TSSK3: variants seen among roughly 807,000 people sequenced by gnomAD.
TSSK3 encodes the protein testis-specific serine/threonine-protein kinase 3.
TSSK3 carries 16 observed loss-of-function variants against 18.9 expected under a neutral mutation model. The observed-to-expected ratio is 0.85, with a 90% CI of 0.57 to 1.28. TSSK3 has a LOEUF of 1.28. Among genes scored for constraint, TSSK3 ranks in the 50% most tolerant of loss-of-function variants. The pLI is 0.00. For synonymous variants in TSSK3, 146 were observed against 133.9 expected (o/e 1.09, Z -0.62); for missense variants, 345 against 341.0 (o/e 1.01, Z -0.09).
chr1:32,364,300 G>A lies in TSSK3; in HGVS notation c.*44G>A, dbSNP rs576818453. 52 of 1,524,062 alleles carry A rather than the reference G, an allele frequency of 3.4e-5. No homozygotes were observed. In the South Asian group the frequency reaches 6.5e-4, roughly 19 times the overall value. 94.4% of individuals were successfully genotyped at this position (1,524,062 alleles called of 1,614,324 possible). The stretch of plus-strand genomic sequence containing the variant: ...CTCTCCAATAAAGTAGGGGGAGAAA[G>A]CAAACCCAAAAACCCGCTTCTAAAA... On this transcript the variant is annotated 3_prime_UTR_variant, in exon 2 of 2. Coordinates refer to ENST00000373534, the MANE Select transcript of TSSK3 (RefSeq NM_052841.4).
At chr1:32,363,316 A>AAAG (rs2148097182) in intron 1 of TSSK3, 2 of 448,552 alleles carry the variant, frequency 4.5e-6, no homozygotes, top group Admixed American at 7.5e-5. Flanking sequence ...GCTTTGTCTA[A>AAAG]AAGTCCCTAA....
Position 32,362,793 on chromosome 1 carries a change from A to C in TSSK3, c.92A>C (p.Lys31Thr), listed in dbSNP as rs757600472. 4.3e-6 allele frequency: 7 copies of C among 1,614,240 alleles called. No individual in the cohort carries two copies. Among genetic ancestry groups the C allele is most frequent in the Non-Finnish European group, 5.9e-6 (7 of 1,180,042 alleles). Residue 31 changes from lysine (K) to threonine (T), a missense_variant, in exon 1 of 2, where the codon AAA (lysine) becomes ACA (threonine). Transcript: ENST00000373534. ...YSKVKEAFSK[K>T]HQRKVAIKVI... ...AAAGTCAAAGAAGCATTTTCCAAAA[A>C]ACACCAAAGAAAAGTGGCAATTAAA...
chr1:32,362,971 C>A (rs1447104462), intron 1 of TSSK3, 125 bp downstream of exon 1: 4 of 1,155,100 alleles, frequency 3.5e-6, no homozygotes, highest in African/African-American at 1.5e-5. Context: ...CCAAGCAAGC[C>A]CGATGGCAGC....
At position 32,362,924 on chromosome 1, in the gene TSSK3, G is replaced by C. The variant is rs1051342290; in HGVS notation, c.145+78G>C. 10 of 1,509,290 alleles carry C rather than the reference G, an allele frequency of 6.6e-6. No homozygotes were observed. The African/African-American group carries it at 1.2e-4, about 19-fold the overall frequency. 93.5% of individuals were successfully genotyped at this position (1,509,290 alleles called of 1,614,324 possible). ...GGTGCTTCCTCCTGTTTGTTAGAAC[G>C]ATCATTCGATCATTCCCTGCTCCCG... On this transcript the variant is annotated intron_variant, in intron 1 of 1. Coordinates refer to ENST00000373534, the MANE Select transcript of TSSK3 (RefSeq NM_052841.4).
At chr1:32,363,069 G>T (rs45606439) in intron 1 of TSSK3, 9,831 of 548,222 alleles carry the variant, frequency 0.018, 130 homozygotes, top group Non-Finnish European at 0.023. Context: ...GTGGCATGAG[G>T]TGAAGGATCC....
intron 1 of TSSK3, 29 bp downstream of exon 1, chr1:32,362,875 AGGGAGGACTGGCTGAGGT>A (rs989321847): frequency 1.2e-5 from 20 of 1,612,676 alleles, no homozygotes; most frequent in Non-Finnish European, 1.7e-5. Flanking sequence ...GGAGGGAAGG[AGGGAGGACTGGCTGAGGT>A]GGGTGGGTGC....
At position 32,364,296 on chromosome 1, in the gene TSSK3, G is replaced by A. The variant is rs750365747; in HGVS notation, c.*40G>A. The A allele has an allele frequency of 2.6e-5, 40 of 1,529,578 alleles. No individual in the cohort carries two copies. The African/African-American group carries it at 4.7e-4, about 18-fold the overall frequency. 94.8% of individuals were successfully genotyped at this position (1,529,578 alleles called of 1,614,324 possible). On this transcript the variant is annotated 3_prime_UTR_variant, in exon 2 of 2. Coordinates refer to ENST00000373534, the MANE Select transcript of TSSK3 (RefSeq NM_052841.4). ...AGTGCTCTCCAATAAAGTAGGGGGA[G>A]AAAGCAAACCCAAAAACCCGCTTCT...
chr1:32,363,494 G>A (rs1641748953), intron 1 of TSSK3, 101 bp from the exon 2 acceptor site: 1 of 1,150,878 alleles, frequency 8.7e-7, no homozygotes, highest in Non-Finnish European at 1.2e-6. Context: ...CAAGAAATAA[G>A]ACCCAGACAA....
rs376241506 is a variant in TSSK3 at position 32,362,909 on chromosome 1, CCT to C, written c.145+64_145+65del. On this transcript the variant is annotated intron_variant, in intron 1 of 1. Transcript: ENST00000373534. Reference sequence around the variant, plus strand: ...TGGCTGAGGTGGGTGGGTGCTTCCTCCTGTTTGTTAGAACGATCATTCGATCA... The same window carrying C: ...TGGCTGAGGTGGGTGGGTGCTTCCTCGTTTGTTAGAACGATCATTCGATCA... 10 of 1,578,456 alleles carry C rather than the reference CCT, an allele frequency of 6.3e-6. 1 individual carries two copies. In the African/African-American group the frequency reaches 6.7e-5, roughly 11 times the overall value.
In TSSK3 at chr1:32,362,880, G is replaced by A. The variant is rs369841741; in HGVS notation, c.145+34G>A. 3.1e-6 allele frequency: 5 copies of A among 1,609,180 alleles called. No individual in the cohort carries two copies. In the South Asian group the frequency reaches 3.3e-5, roughly 11 times the overall value. ...GGGCCCCTTTGGAGGGAAGGAGGGA[G>A]GACTGGCTGAGGTGGGTGGGTGCTT... On this transcript the variant is annotated intron_variant, in intron 1 of 1. Transcript: ENST00000373534.
Position 32,363,585 on chromosome 1 carries a change from ACT to A in TSSK3, c.146-9_146-8del. Reference sequence around the variant, plus strand: ...CTGCCAGCCCATCTCTCCTCCCCTTACTTCCTCAGAGTTTATCCAGAGATTCC... The same window carrying A: ...CTGCCAGCCCATCTCTCCTCCCCTTATCCTCAGAGTTTATCCAGAGATTCC... On this transcript the variant is annotated splice_region_variant and splice_polypyrimidine_tract_variant and intron_variant, in intron 1 of 1. Coordinates refer to ENST00000373534, the MANE Select transcript of TSSK3 (RefSeq NM_052841.4). The A allele has an allele frequency of 6.2e-7, 1 of 1,601,402 alleles. No homozygotes were observed. The highest frequency in any genetic ancestry group is 8.5e-7 in the Non-Finnish European group (1 of 1,171,138).
rs767188813 is a variant in TSSK3 at position 32,364,189 on chromosome 1, A to C, written c.740A>C (p.Glu247Ala). 1 of 1,613,710 alleles carries C rather than the reference A, an allele frequency of 6.2e-7. No individual in the cohort carries two copies. Among genetic ancestry groups the C allele is most frequent in the South Asian group, 1.1e-5 (1 of 91,084 alleles). The change falls in exon 2 of 2, where the codon GAA (glutamate) becomes GCA (alanine). Residue 247 changes from glutamate to alanine, a missense_variant. Physicochemically the swap from Glu to Ala is moderately radical, Grantham distance 107. Coordinates refer to ENST00000373534, the MANE Select transcript of TSSK3 (RefSeq NM_052841.4). ...DCQDLLKRLL[E>A]PDMILRPSIE... is the part of the protein sequence containing the mutation. The stretch of plus-strand genomic sequence containing the variant: ...CAGGACCTGCTCAAGAGGCTCCTGG[A>C]ACCCGATATGATCCTCCGGCCTTCA...
At chr1:32,363,369 A>G in intron 1 of TSSK3, 1 of 564,262 alleles carries the variant, frequency 1.8e-6, no homozygotes, top group South Asian at 2.2e-5. Flanking sequence ...ACAACAGTCC[A>G]CAAGGCTGGT....
In TSSK3 at chr1:32,362,962, C is replaced by A. The variant is rs1478040304; in HGVS notation, c.145+116C>A. 66 of 1,302,502 alleles carry A rather than the reference C, an allele frequency of 5.1e-5. 1 individual carries two copies. The South Asian group carries it at 7.4e-4, about 15-fold the overall frequency. 80.7% of individuals were successfully genotyped at this position (1,302,502 alleles called of 1,614,324 possible). A position where few individuals can be genotyped will look rare whatever the true frequency, so the allele number is the denominator to read the frequency against. On this transcript the variant is annotated intron_variant, in intron 1 of 1. Transcript: ENST00000373534. Reference sequence around the variant, plus strand: ...TTCCCTGCTCCCGCTGGCCTGGAACCAAGCAAGCCCGATGGCAGCTCTGGA... The same window carrying A: ...TTCCCTGCTCCCGCTGGCCTGGAACAAAGCAAGCCCGATGGCAGCTCTGGA...
intron 1 of TSSK3, chr1:32,363,179 G>C (rs1397754264): frequency 2.8e-6 from 1 of 362,308 alleles, no homozygotes; most frequent in African/African-American, 2.0e-5. Context: ...CTGGTGCCAA[G>C]GCCCGTGGAG....
At position 32,364,269 on chromosome 1, in the gene TSSK3, C is replaced by A; in HGVS notation, c.*13C>A. ...AGCAAGCACTTGATAAAAGCAATGG[C>A]AAGTGCTCTCCAATAAAGTAGGGGG... On this transcript the variant is annotated 3_prime_UTR_variant, in exon 2 of 2. Coordinates refer to ENST00000373534, the MANE Select transcript of TSSK3 (RefSeq NM_052841.4). 2 of 1,576,588 alleles carry A rather than the reference C, an allele frequency of 1.3e-6. No individual in the cohort carries two copies. The highest frequency in any genetic ancestry group is 1.1e-5 in the South Asian group (1 of 87,230).
rs1641764407 is a variant in TSSK3 at position 32,364,017 on chromosome 1, AAAG to A, written c.569_571del (p.Lys190_Gly191delinsSer). The A allele has an allele frequency of 1.4e-5, 22 of 1,614,104 alleles. No homozygotes were observed. Among genetic ancestry groups the A allele is most frequent in the Non-Finnish European group, 1.9e-5 (22 of 1,180,052 alleles). ...GCAGGGCATTCCCCACGATAGCAAA[AAAG>A]GTGATGTCTGGAGCATGGGTGTGGT... On this transcript the variant is annotated inframe_deletion, in exon 2 of 2. Transcript: ENST00000373534.
Position 32,363,768 on chromosome 1 carries a change from C to T in TSSK3, c.319C>T (p.Pro107Ser). ...CTGCGTGCTGAATGGGGGGCCACTG[C>T]CTGAAAGCCGGGCCAAGGCCCTCTT... Reference protein sequence around the residue: ...FDCVLNGGPLPESRAKALFRQ... With the variant: ...FDCVLNGGPLSESRAKALFRQ... Residue 107 changes from proline to serine, a missense_variant, in exon 2 of 2, where the codon CCT (proline) becomes TCT (serine). Physicochemically the swap from Pro to Ser is moderately conservative, Grantham distance 74. Coordinates refer to ENST00000373534, the MANE Select transcript of TSSK3 (RefSeq NM_052841.4). 6 of 1,614,242 alleles carry T rather than the reference C, an allele frequency of 3.7e-6. No individual in the cohort carries two copies. Among genetic ancestry groups the T allele is most frequent in the Non-Finnish European group, 5.1e-6 (6 of 1,180,038 alleles).
intron 1 of TSSK3, 171 bp from the exon 2 acceptor site, chr1:32,363,424 G>C: frequency 1.5e-6 from 1 of 649,204 alleles, no homozygotes; most frequent in African/African-American, 1.8e-5. Flanking sequence ...AAAAATAATA[G>C]AAGTGAACAT....
Sources: allele counts gnomAD v4.1 joint callset, GRCh38; gene constraint gnomAD v4.1.1; transcripts MANE v1.5; gene names NCBI Gene and HGNC (gene_info 2026-07-23, HGNC 2026-07-21).